Variants in NRXN3 observed in about 807,000 individuals in gnomAD.
The protein encoded by NRXN3 is neurexin III.
NRXN3 carries 32 observed loss-of-function variants against 137.6 expected under a neutral mutation model. The observed-to-expected ratio is 0.23, with a 90% CI of 0.18 to 0.31. The LOEUF (loss-of-function observed/expected upper bound fraction) is 0.31, where lower values mean the gene tolerates loss of function less well. Ranked by LOEUF, NRXN3 falls within the 10% of genes least tolerant of loss-of-function variation. NRXN3 has a pLI of 1.00. For missense variants in NRXN3, 1,574 were observed against 2,062.5 expected, an observed-to-expected ratio of 0.76 and a Z score of 4.59; for synonymous variants, 798 against 784.5, an observed-to-expected ratio of 1.02 and a Z score of -0.29.
At chr14:79,050,788 AG>A (rs2099640726) in intron 15 of NRXN3, among the ~76,000 whole-genome samples, 1 of 152,222 alleles carries the variant, frequency 6.6e-6, no homozygotes, top group African/African-American at 2.4e-5. Context: ...TGTGGGCTAC[AG>A]ATTCCCCAAG....
At chr14:78,235,668 G>A (rs577675828) in intron 1 of NRXN3, among the ~76,000 whole-genome samples, 4 of 151,388 alleles carry the variant, frequency 2.6e-5, no homozygotes, top group South Asian at 4.2e-4. Flanking sequence ...TCTCCATTCC[G>A]CTTTCAGCAC....
chr14:78,946,549 C>A (rs541053463), intron 10 of NRXN3, among the ~76,000 whole-genome samples: 5 of 152,162 alleles, frequency 3.3e-5, no homozygotes, highest in African/African-American at 1.2e-4. Context: ...AGTAGGTCAT[C>A]AACTTTTAAA....
chr14:79,071,630 G>GGA (rs746932997), intron 15 of NRXN3, among the ~76,000 whole-genome samples: 1 of 151,902 alleles, frequency 6.6e-6, no homozygotes, highest in Non-Finnish European at 1.5e-5. Flanking sequence ...TTGAACTCAT[G>GGA]GAGAGAGAGA....
intron 16 of NRXN3, among the ~76,000 whole-genome samples, chr14:79,624,516 C>G (rs1392637687): frequency 1.3e-5 from 2 of 151,874 alleles, no homozygotes; most frequent in South Asian, 2.1e-4. Flanking sequence ...TCTCAGTTAC[C>G]TTTGTTGTCA....
rs576693497 is a variant in NRXN3, at chr14:78,428,760, A to G, written c.757+130900A>G. The stretch of plus-strand genomic sequence containing the variant: ...TTCAGTTCAAAGGCCATTAGACAGG[A>G]CAGATTCTGTCTTACTGCGGGAGGT... On this transcript the variant is annotated intron_variant, in intron 4 of 20. Transcript: ENST00000335750. Among the ~76,000 whole-genome samples, 23 of 152,258 alleles carry G rather than the reference A, an allele frequency of 1.5e-4. No individual in the cohort carries two copies. The East Asian group carries it at 4.1e-3, about 27-fold the overall frequency.
At chr14:79,236,920 A>G (rs2073463542) in intron 15 of NRXN3, among the ~76,000 whole-genome samples, 2 of 152,056 alleles carry the variant, frequency 1.3e-5, no homozygotes, top group Non-Finnish European at 2.9e-5. Context: ...CTAAAAATAT[A>G]TATATTTTTA....
chr14:79,157,526 A>C (rs2060359338), intron 15 of NRXN3, among the ~76,000 whole-genome samples: 5 of 151,822 alleles, frequency 3.3e-5, no homozygotes, highest in Admixed American at 3.3e-4. Flanking sequence ...AATTACAGAA[A>C]GCAGCAAATA....
At position 79,551,368 on chromosome 14, in the gene NRXN3, C is replaced by G. The variant is rs2097371115; in HGVS notation, c.3444+83966C>G. On this transcript the variant is annotated intron_variant, in intron 16 of 20. Transcript: ENST00000335750. Reference sequence around the variant, plus strand: ...CATGGAAATAGTAAAAACAACAAATCTAATAGTCTCTGAAATGATTTTGTC... The same window carrying G: ...CATGGAAATAGTAAAAACAACAAATGTAATAGTCTCTGAAATGATTTTGTC... Among the ~76,000 whole-genome samples, 11 of 152,210 alleles carry G rather than the reference C, an allele frequency of 7.2e-5. No individual in the cohort carries two copies. The South Asian group carries it at 2.3e-3, about 32-fold the overall frequency.
At chr14:79,742,684 A>C (rs1486540189) in intron 19 of NRXN3, among the ~76,000 whole-genome samples, 1 of 152,182 alleles carries the variant, frequency 6.6e-6, no homozygotes, top group Non-Finnish European at 1.5e-5. Context: ...CATTTGATTT[A>C]TGTAGTCTCA....
At chr14:79,278,802 C>T (rs190842749) in intron 15 of NRXN3, among the ~76,000 whole-genome samples, 4 of 152,272 alleles carry the variant, frequency 2.6e-5, no homozygotes, top group African/African-American at 9.6e-5. Flanking sequence ...GACTCAGATT[C>T]CCATCATTCG....
chr14:79,280,418 T>A, intron 15 of NRXN3: 1 of 1,614,070 alleles, frequency 6.2e-7, no homozygotes, highest in South Asian at 1.1e-5. Context: ...AGCTTCCTCC[T>A]CCTCCACCTC....
chr14:78,856,645 G>C (rs1161838696), intron 10 of NRXN3, among the ~76,000 whole-genome samples: 9 of 152,048 alleles, frequency 5.9e-5, no homozygotes, highest in Admixed American at 2.0e-4. Flanking sequence ...GACTTCTAAA[G>C]TCTTCAAATA....
chr14:78,524,650 T>A (rs1216354621), intron 4 of NRXN3, among the ~76,000 whole-genome samples: 1 of 152,168 alleles, frequency 6.6e-6, no homozygotes, highest in Non-Finnish European at 1.5e-5. Flanking sequence ...ACCTTCAAGT[T>A]AAAACACATC....
intron 19 of NRXN3, among the ~76,000 whole-genome samples, chr14:79,795,372 A>G (rs2099157969): frequency 6.6e-6 from 1 of 152,192 alleles, no homozygotes; most frequent in Non-Finnish European, 1.5e-5. Flanking sequence ...GACATTCCCT[A>G]CCTAGAGATT....
intron 15 of NRXN3, among the ~76,000 whole-genome samples, chr14:79,050,683 A>C (rs73318802): frequency 0.052 from 7,878 of 152,258 alleles, 731 homozygotes; most frequent in African/African-American, 0.18. Flanking sequence ...GACTTAATTG[A>C]AATCCAAATC....
intron 15 of NRXN3, among the ~76,000 whole-genome samples, chr14:79,053,259 G>T (rs2099644578): frequency 6.6e-6 from 1 of 152,300 alleles, no homozygotes; most frequent in African/African-American, 2.4e-5. Context: ...ACAGCTTGAT[G>T]TATGTTAACT....
chr14:79,759,774 A>T (rs2099032131), intron 19 of NRXN3, among the ~76,000 whole-genome samples: 1 of 151,798 alleles, frequency 6.6e-6, no homozygotes, highest in Non-Finnish European at 1.5e-5. Flanking sequence ...TGTCTTGATT[A>T]GGAAGAAACA....
At chr14:79,729,859 G>A (rs1461894883) in intron 19 of NRXN3, among the ~76,000 whole-genome samples, 1 of 152,154 alleles carries the variant, frequency 6.6e-6, no homozygotes, top group Non-Finnish European at 1.5e-5. Flanking sequence ...TTTGTGGAAA[G>A]AGTCAAGCTT....
At chr14:78,757,799 TTGTTG>T (rs2098675833) in intron 8 of NRXN3, among the ~76,000 whole-genome samples, 1 of 152,184 alleles carries the variant, frequency 6.6e-6, no homozygotes, top group Admixed American at 6.5e-5. Context: ...AAATGTACCA[TTGTTG>T]TGTAAGAGGT....
Sources: allele counts gnomAD v4.1 joint callset (sites outside exome capture counted in the v4.1 genomes callset), GRCh38; gene constraint gnomAD v4.1.1; transcripts MANE v1.5; gene names NCBI Gene and HGNC (gene_info 2026-07-23, HGNC 2026-07-21).